Variants in MED13L observed in about 807,000 individuals in gnomAD.
MED13L encodes mediator complex subunit 13L, also known as mediator of RNA polymerase II transcription subunit 13-like.
MED13L carries 7 observed loss-of-function variants against 220.9 expected under a neutral mutation model. That is an observed-to-expected ratio of 0.03 (90% confidence interval 0.02 to 0.06). The LOEUF is 0.06. Among genes scored for constraint, MED13L ranks in the 10% least tolerant of loss-of-function variants. The probability of loss-of-function intolerance (pLI) is 1.00; values close to 1 mark genes in which losing one functional copy is unlikely to be tolerated. For synonymous variants in MED13L, 1,011 were observed against 1,015.2 expected (o/e 1.00, Z 0.08); for missense variants, 1,965 against 2,760.5 (o/e 0.71, Z 6.46).
In MED13L at chr12:115,991,820, C is replaced by T. The variant is rs1165240255; in HGVS notation, c.3134G>A (p.Arg1045His). ...AGVLPSPATPRFSVPTPRTPR... is the reference protein window; with the variant it reads ...AGVLPSPATPHFSVPTPRTPR... ...GGTTCGTGGTGTGGGGACAGAGAAG[C>T]GAGGGGTTGCTGGAGATGGTAGGAC... The change falls in exon 17 of 31, where the codon CGC (arginine) becomes CAC (histidine). Residue 1045 changes from arginine (R) to histidine (H), a missense_variant. Coordinates refer to ENST00000281928, the MANE Select transcript of MED13L (RefSeq NM_015335.5). This position sits in a 1 kb window ranked among gnomAD's most constrained non-coding sequence, Gnocchi z 7.7. 1 of 1,612,726 alleles carries T rather than the reference C, an allele frequency of 6.2e-7. No individual in the cohort carries two copies. The highest frequency in any genetic ancestry group is 8.5e-7 in the Non-Finnish European group (1 of 1,179,970).
intron 25 of MED13L, among the ~76,000 whole-genome samples, chr12:115,973,738 T>C (rs1876744885): frequency 6.6e-6 from 1 of 152,200 alleles, no homozygotes; most frequent in South Asian, 2.1e-4. Context: ...AATCCCCTAA[T>C]GTATTAGACC....
intron 2 of MED13L, among the ~76,000 whole-genome samples, chr12:116,120,483 A>T (rs1205478572): frequency 0.015 from 2,014 of 133,960 alleles, 13 homozygotes; most frequent in Non-Finnish European, 0.02. Context: ...TCTCTCACAC[A>T]CACACACACA....
chr12:116,216,478 C>T (rs1394788093), intron 2 of MED13L, among the ~76,000 whole-genome samples: 1 of 152,138 alleles, frequency 6.6e-6, no homozygotes, highest in Non-Finnish European at 1.5e-5. Flanking sequence ...CTCCTACTAG[C>T]ATCTAAACCT....
intron 3 of MED13L, among the ~76,000 whole-genome samples, chr12:116,102,697 CTTTTTCTTTTTTCTTTTTTTTTTTTTT>C (rs1263591987): frequency 1.4e-5 from 1 of 73,274 alleles, no homozygotes; most frequent in Non-Finnish European, 2.9e-5. Flanking sequence ...TTTTCTTTTT[CTTTTTCTTTTTTCTTTTTTTTTTTTTT>C]TTTTTTTTTT....
chr12:116,265,827 G>T (rs1872789567), intron 1 of MED13L, among the ~76,000 whole-genome samples: 1 of 152,062 alleles, frequency 6.6e-6, no homozygotes, highest in East Asian at 1.9e-4. Flanking sequence ...AGATCCTCAA[G>T]AATAAAGACT....
rs996038332 is a variant in MED13L at position 116,241,341 on chromosome 12, A to AC, written c.73-3637_73-3636insG. ...ACAAAAAACAAAAAAACAAAAAAAA[A>AC]ACACACACACACACACACACAATAA... is the stretch of plus-strand genomic sequence containing the variant. On this transcript the variant is annotated intron_variant, in intron 1 of 30. Transcript: ENST00000281928. Among the ~76,000 whole-genome samples the AC allele has an allele frequency of 2.1e-3, 311 of 149,202 alleles. 3 individuals are homozygous for AC. In the East Asian group the frequency reaches 0.028, roughly 13 times the overall value.
chr12:116,087,910 G>A (rs1233053804), intron 4 of MED13L, among the ~76,000 whole-genome samples: 1 of 152,084 alleles, frequency 6.6e-6, no homozygotes, highest in African/African-American at 2.4e-5. Context: ...GGTATGCAAC[G>A]TCAAGTTTTA....
intron 1 of MED13L, among the ~76,000 whole-genome samples, chr12:116,249,650 C>G (rs1005291631): frequency 8.0e-6 from 1 of 125,716 alleles, no homozygotes; most frequent in East Asian, 2.6e-4. Context: ...ATTTTTTTAA[C>G]TAAGTAAAAT....
Position 115,972,220 on chromosome 12 carries a change from A to G in MED13L, c.5748T>C (p.Leu1916=). The G allele has an allele frequency of 1.2e-6, 2 of 1,613,780 alleles. No homozygotes were observed. The highest frequency in any genetic ancestry group is 1.7e-6 in the Non-Finnish European group (2 of 1,179,880). ...TGATTGTCTGTAGTGAACATTCTCC[A>G]AGGAGGATACTCCAATCTGAAATCA... is the stretch of plus-strand genomic sequence containing the variant. The part of the protein sequence containing the change: ...HGELKDWSIL[L]GECSLQTISK... The change falls in exon 26 of 31, where the codon CTT becomes CTC. Residue 1916 remains leucine (L), a synonymous_variant. Coordinates refer to ENST00000281928, the MANE Select transcript of MED13L (RefSeq NM_015335.5).
rs138977360 is a variant in MED13L at position 116,096,739 on chromosome 12, T to C, written c.409A>G (p.Lys137Glu). The part of the protein sequence containing the change: ...HNLLERCLMD[K>E]NFVRIGKWFV... Reference sequence around the variant, plus strand: ...CATTTCCCAATCCTAACGAAGTTCTTATCCATTAGGCACCTAAAATAATTA... The same window carrying C: ...CATTTCCCAATCCTAACGAAGTTCTCATCCATTAGGCACCTAAAATAATTA... Residue 137 changes from lysine (K) to glutamate (E), a missense_variant, in exon 4 of 31, where the codon AAG becomes GAG. This residue lies in a region of MED13L where 818 missense variants were observed against 1,041.2 expected (regional missense o/e 0.79). Transcript: ENST00000281928. 22 of 1,613,524 alleles carry C rather than the reference T, an allele frequency of 1.4e-5. No homozygotes were observed. Among genetic ancestry groups the C allele is most frequent in the Non-Finnish European group, 1.5e-5 (18 of 1,179,628 alleles).
At chr12:116,078,220 T>C (rs1347194578) in intron 4 of MED13L, among the ~76,000 whole-genome samples, 3 of 151,486 alleles carry the variant, frequency 2.0e-5, no homozygotes. Flanking sequence ...TGATAAAGAC[T>C]CAAACATTCA....
At chr12:116,023,853 T>A (rs1176063958) in intron 4 of MED13L, among the ~76,000 whole-genome samples, 1 of 152,064 alleles carries the variant, frequency 6.6e-6, no homozygotes, top group Non-Finnish European at 1.5e-5. Flanking sequence ...AAAGCAAAAA[T>A]GCACATAATT....
chr12:116,233,528 G>T (rs770591566), intron 2 of MED13L, among the ~76,000 whole-genome samples: 3 of 152,048 alleles, frequency 2.0e-5, no homozygotes, highest in Non-Finnish European at 2.9e-5. Flanking sequence ...CTTTTAGAGG[G>T]GAGACTATTT....
rs1182542586 is a variant in MED13L at position 116,031,673 on chromosome 12, GAAAAAAGAAAAGAAAAGAAA to G, written c.480-9092_480-9073del. Among the ~76,000 whole-genome samples the G allele has an allele frequency of 4.4e-4, 37 of 84,470 alleles. 4 individuals carry two copies. The highest frequency in any genetic ancestry group is 7.1e-3 in the Middle Eastern group (1 of 140). The allele number at this position is 84,470 out of a possible 152,430, so 55.4% of individuals were successfully genotyped here. On this transcript the variant is annotated intron_variant, in intron 4 of 30. Coordinates refer to ENST00000281928, the MANE Select transcript of MED13L (RefSeq NM_015335.5). Reference sequence around the variant, plus strand: ...CGGGACGGGACGGGACGGGAGAAAAGAAAAAAGAAAAGAAAAGAAAAGAAAAGAAAAGAAAAGAAAAGAAA... The same window carrying G: ...CGGGACGGGACGGGACGGGAGAAAAGAGAAAAGAAAAGAAAAGAAAAGAAA...
chr12:115,993,666 T>C (rs1878216801), intron 16 of MED13L, among the ~76,000 whole-genome samples: 1 of 152,170 alleles, frequency 6.6e-6, no homozygotes, highest in Non-Finnish European at 1.5e-5. Context: ...TTTCAAATTC[T>C]CCTGTTCAAC....
chr12:116,102,447 A>G (rs933260078), intron 3 of MED13L, among the ~76,000 whole-genome samples: 5 of 152,266 alleles, frequency 3.3e-5, no homozygotes, highest in Admixed American at 6.5e-5. Context: ...TCTCAACAAA[A>G]TTACATCTTC....
chr12:116,032,136 G>A (rs1210708571), intron 4 of MED13L, among the ~76,000 whole-genome samples: 2 of 151,704 alleles, frequency 1.3e-5, no homozygotes, highest in African/African-American at 4.8e-5. Flanking sequence ...AATATATGAA[G>A]TCTTTTAAAA....
At chr12:116,095,891 C>G (rs534929732) in intron 4 of MED13L, among the ~76,000 whole-genome samples, 1 of 152,228 alleles carries the variant, frequency 6.6e-6, no homozygotes, top group South Asian at 2.1e-4. Context: ...TTTAAACACA[C>G]ACATATGATG....
At position 116,009,017 on chromosome 12, in the gene MED13L, TAGA is replaced by T. The variant is rs1566007803; in HGVS notation, c.1393_1395del (p.Ser465del). On this transcript the variant is annotated inframe_deletion, in exon 10 of 31. Transcript: ENST00000281928. ...TCCTGTCTTTCTGCTGTTTTGTGCT[TAGA>T]AGAAGCAGGAGGTGGTAAAGATGAA... is the stretch of plus-strand genomic sequence containing the variant. The T allele has an allele frequency of 3.1e-6, 5 of 1,614,050 alleles. No individual in the cohort carries two copies. Among genetic ancestry groups the T allele is most frequent in the Admixed American group, 1.7e-5 (1 of 60,000 alleles).
Sources: gnomAD v4.1 joint callset for allele counts (sites outside exome capture counted in the v4.1 genomes callset) on GRCh38, gnomAD v4.1.1 for gene constraint, gnomAD v4.1.1 regional missense constraint, Gnocchi (gnomAD v3.1) non-coding constraint, MANE v1.5 for transcripts, NCBI Gene and HGNC (gene_info 2026-07-23, HGNC 2026-07-21) for gene names.